PRKAG2: variants seen among roughly 807,000 people sequenced by gnomAD.
PRKAG2 encodes the protein protein kinase AMP-activated non-catalytic subunit gamma 2, also known as 5'-AMP-activated protein kinase subunit gamma-2.
A neutral mutation model predicts 69.6 loss-of-function variants in PRKAG2; 26 were observed. That is an observed-to-expected ratio of 0.37 (90% confidence interval 0.27 to 0.52). The LOEUF is 0.52. Among genes scored for constraint, PRKAG2 ranks in the 20% least tolerant of loss-of-function variants. The pLI, the probability that PRKAG2 is intolerant of heterozygous loss-of-function variation, is 0.90. For missense variants in PRKAG2, 557 were observed against 740.0 expected, an observed-to-expected ratio of 0.75 and a Z score of 2.87; for synonymous variants, 293 against 285.0, an observed-to-expected ratio of 1.03 and a Z score of -0.28.
chr7:151,637,433 G>A (rs933531244), intron 4 of PRKAG2, among the ~76,000 whole-genome samples: 3 of 152,148 alleles, frequency 2.0e-5, no homozygotes, highest in Non-Finnish European at 2.9e-5. Context: ...CAGTATGTAC[G>A]TCAGGAGGAC....
intron 5 of PRKAG2, among the ~76,000 whole-genome samples, chr7:151,629,632 C>G (rs1823899329): frequency 6.6e-6 from 1 of 152,234 alleles, no homozygotes; most frequent in South Asian, 2.1e-4. Context: ...CTCACCAGTG[C>G]TTCCAAGATG....
intron 2 of PRKAG2, among the ~76,000 whole-genome samples, chr7:151,785,085 C>A (rs1421847777): frequency 6.6e-6 from 1 of 152,258 alleles, no homozygotes; most frequent in Non-Finnish European, 1.5e-5. Context: ...CCGGATGATT[C>A]CCCGGGTATT....
At chr7:151,783,754 TA>T (rs1414405211) in intron 2 of PRKAG2, among the ~76,000 whole-genome samples, 2 of 150,926 alleles carry the variant, frequency 1.3e-5, no homozygotes, top group South Asian at 2.1e-4. Flanking sequence ...CTACAAAAAA[TA>T]CAGAAATTAG....
intron 1 of PRKAG2, among the ~76,000 whole-genome samples, chr7:151,843,784 C>T (rs977825186): frequency 6.6e-6 from 1 of 152,224 alleles, no homozygotes; most frequent in Non-Finnish European, 1.5e-5. Context: ...CCAATTCAAA[C>T]ATCTAGACCA....
intron 3 of PRKAG2, among the ~76,000 whole-genome samples, chr7:151,723,192 G>T (rs1182109296): frequency 6.6e-6 from 1 of 152,168 alleles, no homozygotes; most frequent in Non-Finnish European, 1.5e-5. Context: ...CTAATGCCCA[G>T]TTGCCCTGGT....
At chr7:151,600,799 A>C (rs1291392627) in intron 5 of PRKAG2, among the ~76,000 whole-genome samples, 1 of 152,072 alleles carries the variant, frequency 6.6e-6, no homozygotes, top group Non-Finnish European at 1.5e-5. Context: ...TTTCAATCCA[A>C]CCTCAACGGA....
intron 3 of PRKAG2, among the ~76,000 whole-genome samples, chr7:151,687,739 G>T (rs557275705): frequency 1.3e-4 from 20 of 152,340 alleles, no homozygotes; most frequent in African/African-American, 4.8e-4. Flanking sequence ...TCAGGCCGCA[G>T]CCCAGGGCCT....
intron 1 of PRKAG2, among the ~76,000 whole-genome samples, chr7:151,823,362 T>C (rs1252942890): frequency 6.6e-6 from 1 of 151,736 alleles, no homozygotes; most frequent in Non-Finnish European, 1.5e-5. Flanking sequence ...TGGGTTAAAG[T>C]GCTTGCACCC....
intron 4 of PRKAG2, among the ~76,000 whole-genome samples, chr7:151,649,574 G>A (rs758434691): frequency 2.0e-5 from 3 of 152,184 alleles, no homozygotes; most frequent in Non-Finnish European, 4.4e-5. Flanking sequence ...ATGTGGGGCT[G>A]GTAGGAGGTG....
At chr7:151,769,514 G>C (rs2075913567) in intron 3 of PRKAG2, among the ~76,000 whole-genome samples, 1 of 152,214 alleles carries the variant, frequency 6.6e-6, no homozygotes, top group Non-Finnish European at 1.5e-5. Context: ...AGGAACCCCA[G>C]GGTTTGTGGG....
intron 3 of PRKAG2, among the ~76,000 whole-genome samples, chr7:151,749,700 C>T (rs1268492816): frequency 2.1e-5 from 3 of 141,448 alleles, no homozygotes; most frequent in African/African-American, 7.9e-5. Context: ...CCAAAAGGTA[C>T]AAGAAAAGAT....
Position 151,798,401 on chromosome 7 carries a change from G to A in PRKAG2, c.115-11860C>T, listed in dbSNP as rs183459871. 9.6e-3 allele frequency among the ~76,000 whole-genome samples: 1,459 copies of A among 152,082 alleles called. 8 individuals carry two copies. The highest frequency in any genetic ancestry group is 0.016 in the Non-Finnish European group (1,086 of 68,008). ...GCAATCTTGGCTCACTTCAACCTCC[G>A]CCTCCCGGGTTCAAGCGATTCTCAT... On this transcript the variant is annotated intron_variant, in intron 1 of 15. Coordinates refer to ENST00000287878, the MANE Select transcript of PRKAG2 (RefSeq NM_016203.4).
At chr7:151,861,652 C>G (rs1190116166) in intron 1 of PRKAG2, among the ~76,000 whole-genome samples, 5 of 152,190 alleles carry the variant, frequency 3.3e-5, no homozygotes, top group African/African-American at 1.2e-4. Flanking sequence ...GGTCGGTCCT[C>G]CCATGGGCGG....
intron 1 of PRKAG2, among the ~76,000 whole-genome samples, chr7:151,869,919 T>C (rs905511218): frequency 6.6e-6 from 1 of 152,150 alleles, no homozygotes; most frequent in African/African-American, 2.4e-5. Context: ...GCATCTAAGA[T>C]GCATGAAGCC....
intron 3 of PRKAG2, among the ~76,000 whole-genome samples, chr7:151,698,228 C>T (rs1837025632): frequency 6.6e-6 from 1 of 152,222 alleles, no homozygotes; most frequent in Non-Finnish European, 1.5e-5. Flanking sequence ...TGGGCTAATG[C>T]CCCTGGGGGC....
intron 3 of PRKAG2, among the ~76,000 whole-genome samples, chr7:151,755,522 G>A (rs2075026271): frequency 6.6e-6 from 1 of 152,066 alleles, no homozygotes; most frequent in South Asian, 2.1e-4. Context: ...CGGCGTCAAG[G>A]GGTTGAACAG....
At position 151,675,507 on chromosome 7, in the gene PRKAG2, G is replaced by A; in HGVS notation, c.597C>T (p.Asp199=). ...NRIYASSSPP[D]TGQRFCPSSF... is the part of the protein sequence containing the mutation. Reference sequence around the variant, plus strand: ...AAGACGGGCAGAACCTCTGCCCTGTGTCCGGGGGGGAAGACGAGGCATAGA... The same window carrying A: ...AAGACGGGCAGAACCTCTGCCCTGTATCCGGGGGGGAAGACGAGGCATAGA... The change falls in exon 4 of 16, where the codon GAC becomes GAT. Residue 199 remains aspartate, a synonymous_variant. Transcript: ENST00000287878. 1 of 1,614,238 alleles carries A rather than the reference G, an allele frequency of 6.2e-7. No homozygotes were observed. The highest frequency in any genetic ancestry group is 8.5e-7 in the Non-Finnish European group (1 of 1,180,040).
At chr7:151,562,763 C>T (rs532507424) in intron 14 of PRKAG2, among the ~76,000 whole-genome samples, 1 of 151,866 alleles carries the variant, frequency 6.6e-6, no homozygotes, top group Non-Finnish European at 1.5e-5. Context: ...GTCAGGAGAT[C>T]GAGACCATCC....
chr7:151,834,835 G>A (rs558449923), intron 1 of PRKAG2, among the ~76,000 whole-genome samples: 4 of 152,360 alleles, frequency 2.6e-5, no homozygotes, highest in African/African-American at 9.6e-5. Flanking sequence ...GAGCCCGGAA[G>A]TCCGAGATCA....
Sources: gnomAD v4.1 joint callset for allele counts (sites outside exome capture counted in the v4.1 genomes callset) on GRCh38, gnomAD v4.1.1 for gene constraint, MANE v1.5 for transcripts, NCBI Gene and HGNC (gene_info 2026-07-23, HGNC 2026-07-21) for gene names.